ZNF407: variants seen among roughly 807,000 people sequenced by gnomAD.
The protein encoded by ZNF407 is zinc finger protein 407.
A neutral mutation model predicts 131.2 loss-of-function variants in ZNF407; 17 were observed. That is an observed-to-expected ratio of 0.13 (90% CI 0.09 to 0.19). The LOEUF is 0.19. Among genes scored for constraint, ZNF407 ranks in the 10% least tolerant of loss-of-function variants. ZNF407 has a pLI of 1.00. For synonymous variants in ZNF407, 1,156 were observed against 1,062.0 expected (o/e 1.09, Z -1.72); for missense variants, 2,681 against 2,830.6 (o/e 0.95, Z 1.20).
intron 3 of ZNF407, among the ~76,000 whole-genome samples, chr18:74,776,983 G>A (rs1392485645): frequency 6.6e-6 from 1 of 152,142 alleles, no homozygotes; most frequent in East Asian, 1.9e-4. Flanking sequence ...GCCTTACTGT[G>A]TCAAGGGTGG....
intron 4 of ZNF407, among the ~76,000 whole-genome samples, chr18:74,797,895 A>G (rs145350470): frequency 7.4e-4 from 112 of 152,150 alleles, no homozygotes; most frequent in African/African-American, 2.6e-3. Flanking sequence ...TTAATGGGAA[A>G]ACAATTAAGT....
chr18:74,847,353 A>G (rs1970716520), intron 4 of ZNF407, among the ~76,000 whole-genome samples: 1 of 152,104 alleles, frequency 6.6e-6, no homozygotes, highest in African/African-American at 2.4e-5. Flanking sequence ...TTTTCTCCCT[A>G]GGCCTTAGCT....
chr18:74,802,039 G>A (rs1310616021), intron 4 of ZNF407, among the ~76,000 whole-genome samples: 2 of 152,014 alleles, frequency 1.3e-5, no homozygotes, highest in Non-Finnish European at 2.9e-5. Flanking sequence ...CAACATACGT[G>A]AATATGAAGG....
chr18:74,947,242 C>T (rs1339782586), intron 8 of ZNF407, among the ~76,000 whole-genome samples: 1 of 152,132 alleles, frequency 6.6e-6, no homozygotes, highest in Admixed American at 6.5e-5. Flanking sequence ...TTTGCTTCCT[C>T]CCCTCCGCCC....
At chr18:74,958,039 T>C (rs902999386) in intron 8 of ZNF407, among the ~76,000 whole-genome samples, 1 of 152,200 alleles carries the variant, frequency 6.6e-6, no homozygotes, top group Non-Finnish European at 1.5e-5. Flanking sequence ...ATTTGTGAGC[T>C]CTCCCTTGTT....
At chr18:74,656,565 T>C (rs1256268891) in intron 3 of ZNF407, among the ~76,000 whole-genome samples, 1 of 152,088 alleles carries the variant, frequency 6.6e-6, no homozygotes, top group Non-Finnish European at 1.5e-5. Flanking sequence ...TATACTTTGA[T>C]TCTTAAACCA....
intron 7 of ZNF407, among the ~76,000 whole-genome samples, chr18:74,915,156 A>G (rs1461572110): frequency 6.6e-6 from 1 of 152,198 alleles, no homozygotes; most frequent in Non-Finnish European, 1.5e-5. Context: ...GTGGCAGAAG[A>G]GGGAAATTCA....
chr18:74,769,545 A>T (rs528170510), intron 3 of ZNF407, among the ~76,000 whole-genome samples: 1 of 152,324 alleles, frequency 6.6e-6, no homozygotes, highest in East Asian at 1.9e-4. Context: ...TCAATTGGTC[A>T]TGGCAATTCC....
intron 8 of ZNF407, among the ~76,000 whole-genome samples, chr18:75,005,850 GCTGGTCATGT>G (rs1309970781): frequency 6.6e-6 from 1 of 152,030 alleles, no homozygotes; most frequent in Non-Finnish European, 1.5e-5. Context: ...GAGAGCTCTT[GCTGGTCATGT>G]CTGGTCATCC....
intron 4 of ZNF407, among the ~76,000 whole-genome samples, chr18:74,873,824 A>T (rs1164490383): frequency 6.6e-6 from 1 of 152,194 alleles, no homozygotes; most frequent in Non-Finnish European, 1.5e-5. Context: ...GTTTAGCATA[A>T]CAGACATCTC....
chr18:75,063,193 A>T lies in ZNF407; in HGVS notation c.5472A>T (p.Gly1824=). Residue 1824 remains glycine (G), a synonymous_variant, in exon 9 of 9, where the codon GGA becomes GGT. Coordinates refer to ENST00000299687, the MANE Select transcript of ZNF407 (RefSeq NM_017757.3). This position sits in a 1 kb window ranked among gnomAD's most constrained non-coding sequence, Gnocchi z 6.6. The part of the protein sequence containing the change: ...KSYECRLKGQ[G]ATFVETDSPF... ...ACGAGTGCCGTCTAAAGGGACAAGGAGCCACCTTCGTGGAGACAGACAGCC... is the reference window on the plus strand; with the variant it reads ...ACGAGTGCCGTCTAAAGGGACAAGGTGCCACCTTCGTGGAGACAGACAGCC... The T allele has an allele frequency of 1.9e-6, 3 of 1,609,052 alleles. No homozygotes were observed. Among genetic ancestry groups the T allele is most frequent in the Non-Finnish European group, 2.5e-6 (3 of 1,177,552 alleles).
intron 4 of ZNF407, chr18:74,804,031 G>C (rs1457981359): frequency 6.4e-7 from 1 of 1,551,732 alleles, no homozygotes; most frequent in Non-Finnish European, 8.7e-7. Context: ...CGCGTCGAGT[G>C]CCTCTGAAGC....
chr18:74,942,192 T>G lies in ZNF407; in HGVS notation c.5428+21500T>G, dbSNP rs143244594. On this transcript the variant is annotated intron_variant, in intron 8 of 8. Transcript: ENST00000299687. ...ATTCTTATGTCCACCAGAAACTTTT[T>G]TGCACGAATCTCCCCTGCAGCAGGG... Among the ~76,000 whole-genome samples the G allele has an allele frequency of 1.1e-3, 173 of 152,324 alleles. 3 individuals carry two copies. In the East Asian group the frequency reaches 0.03, roughly 27 times the overall value.
intron 7 of ZNF407, among the ~76,000 whole-genome samples, chr18:74,897,854 G>C (rs1971473846): frequency 6.6e-6 from 1 of 152,136 alleles, no homozygotes; most frequent in African/African-American, 2.4e-5. Context: ...CTCAGCTGTG[G>C]ATCTGAGAGA....
chr18:74,841,922 A>G (rs1168495763), intron 4 of ZNF407, among the ~76,000 whole-genome samples: 1 of 152,218 alleles, frequency 6.6e-6, no homozygotes, highest in Non-Finnish European at 1.5e-5. Context: ...CTAACGTTGC[A>G]GTCCTAAAAT....
intron 1 of ZNF407, among the ~76,000 whole-genome samples, chr18:74,601,418 T>C (rs138016208): frequency 1.3e-5 from 2 of 152,026 alleles, no homozygotes; most frequent in Non-Finnish European, 2.9e-5. Flanking sequence ...CCCAAGTCTC[T>C]TGGCATGATG....
At chr18:74,941,543 A>G (rs1972099456) in intron 8 of ZNF407, among the ~76,000 whole-genome samples, 1 of 152,222 alleles carries the variant, frequency 6.6e-6, no homozygotes, top group African/African-American at 2.4e-5. Context: ...ATGTACTATA[A>G]TGGGTTGCTA....
At position 74,920,905 on chromosome 18, in the gene ZNF407, T is replaced by C; in HGVS notation, c.5428+213T>C. 4 of 1,227,754 alleles carry C rather than the reference T, an allele frequency of 3.3e-6. No individual in the cohort carries two copies. The South Asian group carries it at 1.6e-4, about 50-fold the overall frequency. 76.1% of individuals were successfully genotyped at this position (1,227,754 alleles called of 1,614,324 possible). ...AACTGTATTTTATCAAAAAAGGAAA[T>C]CTGACAGAGTAATTATTTGATGACT... On this transcript the variant is annotated intron_variant, in intron 8 of 8. Coordinates refer to ENST00000299687, the MANE Select transcript of ZNF407 (RefSeq NM_017757.3).
At chr18:74,913,824 T>TGTA (rs1971708283) in intron 7 of ZNF407, among the ~76,000 whole-genome samples, 1 of 152,216 alleles carries the variant, frequency 6.6e-6, no homozygotes, top group Admixed American at 6.5e-5. Context: ...TAAGTGAGTG[T>TGTA]GTAGTACTGA....
Sources: gnomAD v4.1 joint callset for allele counts (sites outside exome capture counted in the v4.1 genomes callset) on GRCh38, gnomAD v4.1.1 for gene constraint, Gnocchi (gnomAD v3.1) non-coding constraint, MANE v1.5 for transcripts, NCBI Gene and HGNC (gene_info 2026-07-23, HGNC 2026-07-21) for gene names.